Variants in TMEM163 observed in about 807,000 individuals in gnomAD.
TMEM163 encodes transmembrane protein 163.
A neutral mutation model predicts 29.3 loss-of-function variants in TMEM163; 17 were observed. That is an observed-to-expected ratio of 0.58 (90% CI 0.40 to 0.87). The LOEUF (loss-of-function observed/expected upper bound fraction) is 0.87, where lower values mean the gene tolerates loss of function less well. TMEM163 is among the 40% of genes least tolerant of loss of function. The probability of loss-of-function intolerance (pLI) is 0.00; values close to 1 mark genes in which losing one functional copy is unlikely to be tolerated. For missense variants in TMEM163, 303 were observed against 381.5 expected (o/e 0.79, Z 1.71); for synonymous variants, 157 against 160.6 (o/e 0.98, Z 0.17).
chr2:134,662,224 T>C (rs7564273), intron 2 of TMEM163, among the ~76,000 whole-genome samples: 132,015 of 152,166 alleles, frequency 0.87, 57,823 homozygotes, highest in African/African-American at 0.97. Flanking sequence ...CGTGAGCCAC[T>C]GCACCTGGCC....
intron 6 of TMEM163, among the ~76,000 whole-genome samples, chr2:134,461,928 C>T (rs1441975410): frequency 6.6e-6 from 1 of 152,200 alleles, no homozygotes; most frequent in Non-Finnish European, 1.5e-5. Context: ...ATCCTGCCCG[C>T]CCACCTTCCA....
chr2:134,679,047 CCT>C (rs1684177714), intron 2 of TMEM163, among the ~76,000 whole-genome samples: 2 of 152,156 alleles, frequency 1.3e-5, no homozygotes, highest in African/African-American at 2.4e-5. Context: ...AGCTCTGGCC[CCT>C]GTCAGGCATA....
intron 4 of TMEM163, among the ~76,000 whole-genome samples, chr2:134,548,353 C>T (rs1412812965): frequency 6.6e-6 from 1 of 152,140 alleles, no homozygotes; most frequent in Non-Finnish European, 1.5e-5. Flanking sequence ...GTATTTTATA[C>T]TTACAACACA....
chr2:134,659,468 CT>C (rs1240416913), intron 2 of TMEM163, among the ~76,000 whole-genome samples: 1 of 152,204 alleles, frequency 6.6e-6, no homozygotes, highest in Non-Finnish European at 1.5e-5. Flanking sequence ...GGGTGTGCCA[CT>C]GCCCAGGTCC....
chr2:134,580,412 T>C (rs1484420537), intron 2 of TMEM163, among the ~76,000 whole-genome samples: 2 of 152,212 alleles, frequency 1.3e-5, no homozygotes, highest in Admixed American at 6.5e-5. Flanking sequence ...TGGAACATAC[T>C]ATGTGGTGCT....
At chr2:134,494,582 G>A (rs977283282) in intron 5 of TMEM163, among the ~76,000 whole-genome samples, 15 of 151,892 alleles carry the variant, frequency 9.9e-5, no homozygotes, top group Admixed American at 1.3e-4. Flanking sequence ...AACCAGAGGC[G>A]CCAAAAGGCC....
At chr2:134,554,422 CAAA>C (rs941286100) in intron 2 of TMEM163, among the ~76,000 whole-genome samples, 30 of 21,136 alleles carry the variant, frequency 1.4e-3, no homozygotes, top group African/African-American at 3.8e-3. Flanking sequence ...GACCCCATCT[CAAA>C]AAAAAAAAAA....
chr2:134,490,179 G>A (rs569852136), intron 5 of TMEM163, among the ~76,000 whole-genome samples: 27 of 152,260 alleles, frequency 1.8e-4, no homozygotes, highest in African/African-American at 4.6e-4. Flanking sequence ...TCATCGGAGC[G>A]CCACCAGCTG....
rs1238263221 is a variant in TMEM163, at chr2:134,456,637, A to G, written c.*79T>C. 7 of 1,515,252 alleles carry G rather than the reference A, an allele frequency of 4.6e-6. No individual in the cohort carries two copies. In the African/African-American group the frequency reaches 9.6e-5, roughly 21 times the overall value. 93.9% of individuals were successfully genotyped at this position (1,515,252 alleles called of 1,614,324 possible). The stretch of plus-strand genomic sequence containing the variant: ...AAGAAAACTTCCAAAAAGAAACCAG[A>G]TGTTCAGTTAAATATTGGCACCCTT... On this transcript the variant is annotated 3_prime_UTR_variant, in exon 8 of 8. Coordinates refer to ENST00000281924, the MANE Select transcript of TMEM163 (RefSeq NM_030923.5).
intron 4 of TMEM163, among the ~76,000 whole-genome samples, chr2:134,508,840 G>A (rs1414465035): frequency 3.3e-5 from 5 of 151,822 alleles, no homozygotes; most frequent in Non-Finnish European, 5.9e-5. Flanking sequence ...TTTGTGGAGC[G>A]GGTGAGATTG....
intron 2 of TMEM163, among the ~76,000 whole-genome samples, chr2:134,675,143 G>A (rs1574330450): frequency 3.9e-5 from 6 of 152,124 alleles, no homozygotes; most frequent in East Asian, 1.9e-4. Flanking sequence ...ATGTATTATC[G>A]AAAAGAAACA....
intron 2 of TMEM163, among the ~76,000 whole-genome samples, chr2:134,574,166 C>T (rs371657832): frequency 7.9e-5 from 12 of 152,338 alleles, no homozygotes; most frequent in African/African-American, 2.9e-4. Context: ...ATCTAGGCAA[C>T]AGAGCGGGTG....
chr2:134,549,832 A>G (rs1234719455), intron 4 of TMEM163, among the ~76,000 whole-genome samples: 1 of 150,814 alleles, frequency 6.6e-6, no homozygotes, highest in African/African-American at 2.5e-5. Flanking sequence ...ATTAGCGTAT[A>G]GGTATATGCA....
At chr2:134,461,905 G>A (rs1318312499) in intron 6 of TMEM163, among the ~76,000 whole-genome samples, 1 of 152,314 alleles carries the variant, frequency 6.6e-6, no homozygotes, top group African/African-American at 2.4e-5. Context: ...GACAGCCATG[G>A]CTCCCTGAGC....
chr2:134,675,905 TA>T (rs1684104210), intron 2 of TMEM163, among the ~76,000 whole-genome samples: 1 of 152,104 alleles, frequency 6.6e-6, no homozygotes, highest in Non-Finnish European at 1.5e-5. Flanking sequence ...ACCCCAACCC[TA>T]AATAGACATG....
chr2:134,473,789 A>G (rs775979301), intron 5 of TMEM163, among the ~76,000 whole-genome samples: 7 of 152,206 alleles, frequency 4.6e-5, no homozygotes, highest in African/African-American at 7.2e-5. Context: ...GACAACTTAG[A>G]AGAAATAGAC....
chr2:134,676,526 C>A (rs948384740), intron 2 of TMEM163, among the ~76,000 whole-genome samples: 1 of 152,138 alleles, frequency 6.6e-6, no homozygotes, highest in Non-Finnish European at 1.5e-5. Context: ...ATACAATTCA[C>A]TGATTTCCAG....
intron 2 of TMEM163, among the ~76,000 whole-genome samples, chr2:134,590,940 A>G (rs988215448): frequency 6.6e-6 from 1 of 152,170 alleles, no homozygotes; most frequent in Non-Finnish European, 1.5e-5. Context: ...CTGCAAAGAT[A>G]AGAAAGGCTA....
intron 2 of TMEM163, among the ~76,000 whole-genome samples, chr2:134,677,215 G>A (rs892876260): frequency 6.6e-5 from 10 of 152,176 alleles, no homozygotes; most frequent in Non-Finnish European, 1.2e-4. Flanking sequence ...AGACCCTCAC[G>A]TTGGGACGGA....
Sources: allele counts gnomAD v4.1 joint callset (sites outside exome capture counted in the v4.1 genomes callset), GRCh38; gene constraint gnomAD v4.1.1; transcripts MANE v1.5; gene names NCBI Gene and HGNC (gene_info 2026-07-23, HGNC 2026-07-21).